Variants in SPTA1 observed in about 807,000 individuals in gnomAD.
SPTA1 encodes the protein spectrin alpha, erythrocytic 1, also known as spectrin alpha chain, erythrocytic 1.
Under a neutral mutation model 324.7 loss-of-function variants are expected in SPTA1, and 177 were observed. The observed-to-expected ratio is 0.55, with a 90% CI of 0.48 to 0.62. The LOEUF (loss-of-function observed/expected upper bound fraction) is 0.62, where lower values mean the gene tolerates loss of function less well. Among genes scored for constraint, SPTA1 ranks in the 20% least tolerant of loss-of-function variants. The pLI is 0.00. For synonymous variants in SPTA1, 1,195 were observed against 1,041.3 expected (o/e 1.15, Z -2.84); for missense variants, 3,162 against 2,883.6 (o/e 1.10, Z -2.21).
At chr1:158,636,112 T>C in intron 37 of SPTA1, 78 bp from the exon 38 acceptor site, 1 of 1,611,062 alleles carries the variant, frequency 6.2e-7, no homozygotes, top group East Asian at 2.2e-5. Context: ...GCAAAGTATC[T>C]AGCCCATCCT....
At chr1:158,654,255 T>C (rs1325092090) in intron 21 of SPTA1, among the ~76,000 whole-genome samples, 2 of 152,290 alleles carry the variant, frequency 1.3e-5, no homozygotes, top group African/African-American at 4.8e-5. Flanking sequence ...TGTTATTTTA[T>C]CACTAGAAAT....
In SPTA1 at chr1:158,661,321, C is replaced by G. The variant is rs1653191344; in HGVS notation, c.2553G>C (p.Glu851Asp). 1 of 1,613,938 alleles carries G rather than the reference C, an allele frequency of 6.2e-7. No individual in the cohort carries two copies. The highest frequency in any genetic ancestry group is 1.3e-5 in the African/African-American group (1 of 75,004). Residue 851 changes from glutamate to aspartate, a missense_variant, in exon 18 of 52, where the codon GAG (glutamate) becomes GAC (aspartate). Transcript: ENST00000643759. ...CCATTTTGTTTCCCCTTTCTGTTAT[C>G]TCTTGAATGCGTGGTTCATGGCTGG... The part of the protein sequence containing the change: ...NIASHEPRIQ[E>D]ITERGNKMVE...
chr1:158,638,506 GC>G (rs1371032012), intron 35 of SPTA1, among the ~76,000 whole-genome samples: 4 of 151,930 alleles, frequency 2.6e-5, no homozygotes, highest in Admixed American at 6.6e-5. Flanking sequence ...TTCAGTATTT[GC>G]CTTCTCTCCC....
chr1:158,619,361 G>T, intron 44 of SPTA1, 27 bp from the exon 45 acceptor site: 1 of 1,608,948 alleles, frequency 6.2e-7, no homozygotes, highest in South Asian at 1.1e-5. Context: ...CAGACAACGT[G>T]ACTGACATCG....
At chr1:158,628,317 C>T (rs1222578705) in intron 39 of SPTA1, among the ~76,000 whole-genome samples, 1 of 152,126 alleles carries the variant, frequency 6.6e-6, no homozygotes. Context: ...TCACCACCAC[C>T]ATGACCACCC....
At chr1:158,618,762 A>G (rs973530767) in intron 45 of SPTA1, among the ~76,000 whole-genome samples, 4 of 152,326 alleles carry the variant, frequency 2.6e-5, no homozygotes, top group African/African-American at 9.6e-5. Flanking sequence ...CAGTAAATAT[A>G]TATGTGACCT....
intron 45 of SPTA1, 130 bp downstream of exon 45, chr1:158,619,092 C>T: frequency 1.1e-6 from 1 of 903,248 alleles, no homozygotes; most frequent in East Asian, 2.4e-5. Context: ...AAAGCATAGG[C>T]AAGATATGGG....
intron 29 of SPTA1, 117 bp downstream of exon 29, chr1:158,645,071 C>T (rs1651889737): frequency 9.6e-7 from 1 of 1,037,732 alleles, no homozygotes. Context: ...AAGAGATGAG[C>T]TCCCTTTGTG....
rs745557793 is a variant in SPTA1, at chr1:158,645,184, G to A, written c.4194+4C>T. 2 of 1,613,770 alleles carry A rather than the reference G, an allele frequency of 1.2e-6. No homozygotes were observed. Among genetic ancestry groups the A allele is most frequent in the Non-Finnish European group, 8.5e-7 (1 of 1,179,744 alleles). On this transcript the variant is annotated splice_donor_region_variant and intron_variant, in intron 29 of 51. Coordinates refer to ENST00000643759, the MANE Select transcript of SPTA1 (RefSeq NM_003126.4). ...CTGCTTAACAATTGGGAAATTTGCT[G>A]TACCTGCAACTCCAGGCACTGGTCT...
At chr1:158,658,933 C>T (rs561830681) in intron 18 of SPTA1, among the ~76,000 whole-genome samples, 7 of 151,776 alleles carry the variant, frequency 4.6e-5, no homozygotes, top group African/African-American at 9.7e-5. Context: ...GAATGAAGAC[C>T]TTTAGATGAA....
rs773953156 is a variant in SPTA1, at chr1:158,648,577, A to G, written c.3646T>C (p.Phe1216Leu). 2.5e-6 allele frequency: 4 copies of G among 1,613,784 alleles called. 1 individual carries two copies. The highest frequency in any genetic ancestry group is 2.2e-5 in the South Asian group (2 of 91,062). ...CGTCGCTGAAGAGCCTGAACACTGA[A>G]CAGATCTGAGCCAGGGTCTGCAGCA... ...LSAADPGSDL[F>L]SVQALQRRHE... is the part of the protein sequence containing the mutation. The change falls in exon 26 of 52, where the codon TTC (phenylalanine) becomes CTC (leucine). Residue 1216 changes from phenylalanine (F) to leucine (L), a missense_variant. Transcript: ENST00000643759.
intron 41 of SPTA1, 33 bp downstream of exon 41, chr1:158,626,806 A>G: frequency 6.2e-7 from 1 of 1,613,008 alleles, no homozygotes; most frequent in Non-Finnish European, 8.5e-7. Context: ...GGGTTTCTCA[A>G]ACCCAAGGGA....
At chr1:158,630,321 A>G (rs2101790940) in intron 39 of SPTA1, among the ~76,000 whole-genome samples, 1 of 152,228 alleles carries the variant, frequency 6.6e-6, no homozygotes, top group South Asian at 2.1e-4. Flanking sequence ...AACAGAATAG[A>G]GAGTCCAGAA....
At chr1:158,662,990 T>C (rs1653350126) in intron 16 of SPTA1, 45 bp from the exon 17 acceptor site, 1 of 1,611,240 alleles carries the variant, frequency 6.2e-7, no homozygotes, top group Non-Finnish European at 8.5e-7. Context: ...CATCATTTAG[T>C]AGGAAGTAAT....
intron 48 of SPTA1, 183 bp from the exon 49 acceptor site, chr1:158,614,489 C>A: frequency 1.8e-6 from 1 of 559,252 alleles, no homozygotes; most frequent in South Asian, 2.4e-5. Flanking sequence ...TTGTACAGTC[C>A]ATGAGCCAAG....
intron 39 of SPTA1, among the ~76,000 whole-genome samples, chr1:158,633,060 G>T (rs964612008): frequency 6.6e-6 from 1 of 152,116 alleles, no homozygotes; most frequent in Middle Eastern, 3.2e-3. Context: ...TGAGTGAAAA[G>T]GTCAATCTTC....
intron 17 of SPTA1, 100 bp downstream of exon 17, chr1:158,662,602 G>A (rs1278250428): frequency 1.3e-6 from 2 of 1,543,926 alleles, no homozygotes; most frequent in East Asian, 2.3e-5. Flanking sequence ...AAACAGCTAA[G>A]AGCAAGCTTT....
At chr1:158,613,612 C>T in intron 50 of SPTA1, 109 bp downstream of exon 50, 2 of 1,517,648 alleles carry the variant, frequency 1.3e-6, no homozygotes, top group Non-Finnish European at 1.8e-6. Context: ...CCTATTTCTT[C>T]CTATTTTCAG....
chr1:158,654,058 TTTC>T (rs1458696190), intron 21 of SPTA1, among the ~76,000 whole-genome samples: 2 of 152,208 alleles, frequency 1.3e-5, no homozygotes, highest in Non-Finnish European at 2.9e-5. Flanking sequence ...ACTATTTTCT[TTTC>T]TTCTTAAGAA....
Sources: gnomAD v4.1 joint callset for allele counts (sites outside exome capture counted in the v4.1 genomes callset) on GRCh38, gnomAD v4.1.1 for gene constraint, MANE v1.5 for transcripts, NCBI Gene and HGNC (gene_info 2026-07-23, HGNC 2026-07-21) for gene names.